Variants in WDR19 observed in about 807,000 individuals in gnomAD.
WDR19 encodes the protein WD repeat-containing protein 19.
A neutral mutation model predicts 180.0 loss-of-function variants in WDR19; 121 were observed. The ratio of observed to expected loss-of-function variants is 0.67; its 90% confidence interval spans 0.58 to 0.78. The LOEUF (loss-of-function observed/expected upper bound fraction) is 0.78. WDR19 is among the 30% of genes least tolerant of loss of function. WDR19 has a pLI of 0.00. For synonymous variants in WDR19, 497 were observed against 540.7 expected, an observed-to-expected ratio of 0.92 and a Z score of 1.12; for missense variants, 1,450 against 1,640.7, an observed-to-expected ratio of 0.88 and a Z score of 2.01.
chr4:39,271,450 T>A (rs1735369158), intron 31 of WDR19, among the ~76,000 whole-genome samples: 4 of 152,138 alleles, frequency 2.6e-5, no homozygotes, highest in Admixed American at 2.6e-4. Flanking sequence ...ACACGTGTAA[T>A]CCCAGTACTT....
intron 9 of WDR19, among the ~76,000 whole-genome samples, chr4:39,206,761 G>A (rs1337053819): frequency 2.0e-5 from 3 of 152,210 alleles, no homozygotes; most frequent in Non-Finnish European, 2.9e-5. Context: ...ACTAGCCACT[G>A]AGTGGGCCAT....
chr4:39,279,340 C>T (rs985296681), intron 36 of WDR19, among the ~76,000 whole-genome samples: 1 of 152,254 alleles, frequency 6.6e-6, no homozygotes, highest in African/African-American at 2.4e-5. Flanking sequence ...AGCGGCAGCT[C>T]CAGCCAACCA....
intron 3 of WDR19, among the ~76,000 whole-genome samples, chr4:39,188,854 A>T (rs771282023): frequency 4.6e-5 from 7 of 151,984 alleles, no homozygotes; most frequent in Non-Finnish European, 8.8e-5. Context: ...GGGCTCAAGT[A>T]ATCTTCCCAC....
chr4:39,282,543 G>A (rs187662850), intron 36 of WDR19, among the ~76,000 whole-genome samples: 26 of 152,050 alleles, frequency 1.7e-4, no homozygotes, highest in Middle Eastern at 3.4e-3. Context: ...GATTACAGGC[G>A]CCCGCCACCA....
intron 28 of WDR19, among the ~76,000 whole-genome samples, chr4:39,260,805 C>A (rs79772604): frequency 7.9e-5 from 12 of 152,168 alleles, no homozygotes; most frequent in Non-Finnish European, 2.9e-5. Flanking sequence ...TGTGTCCACA[C>A]GTGGCCTTTC....
At chr4:39,241,674 T>C (rs1731965002) in intron 21 of WDR19, among the ~76,000 whole-genome samples, 1 of 150,454 alleles carries the variant, frequency 6.6e-6, no homozygotes, top group Non-Finnish European at 1.5e-5. Flanking sequence ...CACACGCCTG[T>C]AATCCCAGCT....
Position 39,244,314 on chromosome 4 carries a change from G to A in WDR19, c.2488G>A (p.Gly830Arg), listed in dbSNP as rs762744592. The change falls in exon 22 of 37, where the codon GGG (glycine) becomes AGG (arginine). Residue 830 changes from glycine (G) to arginine (R), a missense_variant. Coordinates refer to ENST00000399820, the MANE Select transcript of WDR19 (RefSeq NM_025132.4). Reference protein sequence around the residue: ...MSIRMGDIRRGVNQALKHPSR... With the variant: ...MSIRMGDIRRRVNQALKHPSR... ...CATAAGAATGGGAGACATACGTCGAGGGGTTAACCAAGCCCTCAAGCATCC... is the reference window on the plus strand; with the variant it reads ...CATAAGAATGGGAGACATACGTCGAAGGGTTAACCAAGCCCTCAAGCATCC... The A allele has an allele frequency of 1.9e-6, 3 of 1,613,956 alleles. No homozygotes were observed. Among genetic ancestry groups the A allele is most frequent in the East Asian group, 4.5e-5 (2 of 44,880 alleles).
chr4:39,228,291 G>T lies in WDR19; in HGVS notation c.1711G>T (p.Gly571Cys). 1 of 1,613,374 alleles carries T rather than the reference G, an allele frequency of 6.2e-7. No homozygotes were observed. The highest frequency in any genetic ancestry group is 8.5e-7 in the Non-Finnish European group (1 of 1,179,584). The change falls in exon 16 of 37, where the codon GGT becomes TGT. Residue 571 changes from glycine (G) to cysteine (C), a missense_variant. Physicochemically the swap from Gly to Cys is radical, Grantham distance 159. Coordinates refer to ENST00000399820, the MANE Select transcript of WDR19 (RefSeq NM_025132.4). Reference protein sequence around the residue: ...VLWENWPMDKGVFIAYDDDKV... With the variant: ...VLWENWPMDKCVFIAYDDDKV... Reference sequence around the variant, plus strand: ...TTGGGAAAACTGGCCAATGGATAAAGGTGTATTTATTGCTTATGATGATGA... The same window carrying T: ...TTGGGAAAACTGGCCAATGGATAAATGTGTATTTATTGCTTATGATGATGA...
At chr4:39,197,276 A>G (rs1242919161) in intron 5 of WDR19, among the ~76,000 whole-genome samples, 1 of 152,070 alleles carries the variant, frequency 6.6e-6, no homozygotes, top group African/African-American at 2.4e-5. Flanking sequence ...ATACAAAAAA[A>G]TTAACCAGGT....
At chr4:39,192,242 G>A (rs1467146153) in intron 4 of WDR19, among the ~76,000 whole-genome samples, 9 of 152,056 alleles carry the variant, frequency 5.9e-5, no homozygotes, top group Admixed American at 6.6e-5. Flanking sequence ...ACTATTTTTA[G>A]CTCATGCAAA....
chr4:39,200,215 A>G (rs906560415), intron 6 of WDR19, among the ~76,000 whole-genome samples: 1 of 152,250 alleles, frequency 6.6e-6, no homozygotes, highest in African/African-American at 2.4e-5. Flanking sequence ...TGCTAGGCAC[A>G]TGGCACTGTG....
At chr4:39,224,751 T>G (rs1730066877) in intron 14 of WDR19, 133 bp from the exon 15 acceptor site, 1 of 805,034 alleles carries the variant, frequency 1.2e-6, no homozygotes, top group Non-Finnish European at 1.9e-6. Flanking sequence ...CTAAATATTA[T>G]TCTTAGATAC....
intron 6 of WDR19, among the ~76,000 whole-genome samples, chr4:39,202,691 T>TAA (rs34128337): frequency 2.8e-4 from 42 of 149,706 alleles, no homozygotes; most frequent in East Asian, 3.9e-4. Flanking sequence ...CATATGCACT[T>TAA]AAAAAAAAAA....
intron 19 of WDR19, among the ~76,000 whole-genome samples, chr4:39,232,476 T>G (rs892390226): frequency 6.6e-5 from 10 of 152,076 alleles, no homozygotes; most frequent in African/African-American, 2.4e-4. Context: ...AATACAAAAA[T>G]TAGCCGGACG....
At chr4:39,213,503 A>G (rs371720714) in intron 9 of WDR19, among the ~76,000 whole-genome samples, 260 of 152,350 alleles carry the variant, frequency 1.7e-3, no homozygotes, top group Non-Finnish European at 2.7e-3. Flanking sequence ...TTTCATTTAT[A>G]TAATGTTCTT....
chr4:39,235,867 C>T (rs560372801), intron 20 of WDR19, among the ~76,000 whole-genome samples: 17 of 151,518 alleles, frequency 1.1e-4, no homozygotes, highest in Admixed American at 6.6e-5. Context: ...AAGCAGCCAA[C>T]AAAAATATGA....
At chr4:39,240,406 T>C in intron 21 of WDR19, 72 bp downstream of exon 21, 1 of 950,228 alleles carries the variant, frequency 1.1e-6, no homozygotes. Context: ...TTAAAAATCA[T>C]GGTCTTATTT....
At chr4:39,208,303 ATTTT>A (rs34189923) in intron 9 of WDR19, among the ~76,000 whole-genome samples, 2 of 103,386 alleles carry the variant, frequency 1.9e-5, no homozygotes, top group Admixed American at 1.0e-4. Flanking sequence ...GACTGAGTGG[ATTTT>A]TTTTTTTTTT....
At chr4:39,259,875 C>A (rs541754412) in intron 28 of WDR19, among the ~76,000 whole-genome samples, 4 of 152,310 alleles carry the variant, frequency 2.6e-5, no homozygotes, top group Non-Finnish European at 5.9e-5. Context: ...TTTCTAACAA[C>A]AATTCCTTGA....
Sources: gnomAD v4.1 joint callset for allele counts (sites outside exome capture counted in the v4.1 genomes callset) on GRCh38, gnomAD v4.1.1 for gene constraint, MANE v1.5 for transcripts, NCBI Gene and HGNC (gene_info 2026-07-23, HGNC 2026-07-21) for gene names.